The following NRG3 variants were observed in gnomAD, a reference collection of about 807,000 sequenced individuals.
NRG3 encodes the protein pro-neuregulin-3, membrane-bound isoform.
A neutral mutation model predicts 66.9 loss-of-function variants in NRG3; 31 were observed. The observed-to-expected ratio is 0.46, with a 90% CI of 0.35 to 0.63. NRG3 has a LOEUF of 0.63. Among genes scored for constraint, NRG3 ranks in the 20% least tolerant of loss-of-function variants. The pLI is 0.00. For synonymous variants in NRG3, 393 were observed against 359.4 expected (o/e 1.09, Z -1.06); for missense variants, 910 against 878.9 (o/e 1.04, Z -0.45).
intron 2 of NRG3, among the ~76,000 whole-genome samples, chr10:82,422,655 A>T (rs2136246523): frequency 6.6e-6 from 1 of 152,104 alleles, no homozygotes; most frequent in Admixed American, 6.6e-5. Flanking sequence ...TTTGTTTTGA[A>T]TTACTGTTTA....
chr10:82,588,196 G>A (rs376815187), intron 2 of NRG3, among the ~76,000 whole-genome samples: 1 of 152,138 alleles, frequency 6.6e-6, no homozygotes, highest in Non-Finnish European at 1.5e-5. Context: ...ACCCCTCTAA[G>A]TCTCATGTTG....
rs534590260 is a variant in NRG3, at chr10:82,021,214, A to G, written c.823+145051A>G. ...TTCCAATCGATTTAGGAGTGCAGCA[A>G]GTGCAACGACGGTGTTGATGAGCTC... is the stretch of plus-strand genomic sequence containing the variant. On this transcript the variant is annotated intron_variant, in intron 1 of 8. Coordinates refer to ENST00000372141, the MANE Select transcript of NRG3 (RefSeq NM_001010848.4). Among the ~76,000 whole-genome samples the G allele has an allele frequency of 5.1e-4, 77 of 152,172 alleles. 1 individual carries two copies. The highest frequency in any genetic ancestry group is 4.6e-3 in the South Asian group (22 of 4,822).
In NRG3 at chr10:81,876,105, CTCT is replaced by C; in HGVS notation, c.771_773del (p.Ser260del). ...TTCAGGATGCTGCCTCCTCTTCTTC[CTCT>C]TCTTCCTCCTCCGCTACCACCACCA... On this transcript the variant is annotated inframe_deletion, in exon 1 of 9. Transcript: ENST00000372141. 4.3e-6 allele frequency: 7 copies of C among 1,611,532 alleles called. No homozygotes were observed. The East Asian group carries it at 6.7e-5, about 15-fold the overall frequency.
chr10:82,792,535 A>C (rs1030106418), intron 3 of NRG3, among the ~76,000 whole-genome samples: 1 of 151,896 alleles, frequency 6.6e-6, no homozygotes, highest in African/African-American at 2.4e-5. Flanking sequence ...TGTTATTTCA[A>C]TGTTTTTTGT....
chr10:82,248,905 G>A (rs12241441), intron 1 of NRG3, among the ~76,000 whole-genome samples: 18,134 of 152,132 alleles, frequency 0.12, 1,167 homozygotes, highest in East Asian at 0.21. Flanking sequence ...TTGTCTGCAA[G>A]TCTCAGTATA....
intron 1 of NRG3, among the ~76,000 whole-genome samples, chr10:82,057,723 TG>T (rs202090429): frequency 6.6e-6 from 1 of 152,166 alleles, no homozygotes; most frequent in Non-Finnish European, 1.5e-5. Flanking sequence ...TCTCCTTCAC[TG>T]CCTCCTCTTC....
At chr10:82,941,123 C>A (rs1232663285) in intron 4 of NRG3, among the ~76,000 whole-genome samples, 2 of 151,938 alleles carry the variant, frequency 1.3e-5, no homozygotes, top group Admixed American at 1.3e-4. Flanking sequence ...GGACTGGAGG[C>A]CCCCCACCCC....
intron 2 of NRG3, among the ~76,000 whole-genome samples, chr10:82,459,219 A>G (rs2091406538): frequency 6.6e-6 from 1 of 152,142 alleles, no homozygotes; most frequent in African/African-American, 2.4e-5. Context: ...GGTTCTCACC[A>G]TTCTGCCATG....
chr10:82,175,558 G>T (rs1256996601), intron 1 of NRG3, among the ~76,000 whole-genome samples: 3 of 152,156 alleles, frequency 2.0e-5, no homozygotes, highest in Non-Finnish European at 4.4e-5. Flanking sequence ...AACTATGCTA[G>T]ATTTTCAAGA....
chr10:82,701,454 T>A (rs1460954575), intron 2 of NRG3, among the ~76,000 whole-genome samples: 4 of 152,136 alleles, frequency 2.6e-5, no homozygotes, highest in African/African-American at 9.7e-5. Flanking sequence ...TCTGGTGACA[T>A]ATTTGTAAGT....
intron 3 of NRG3, among the ~76,000 whole-genome samples, chr10:82,856,757 A>AAAAC: frequency 1.5e-5 from 1 of 68,326 alleles, no homozygotes; most frequent in Non-Finnish European, 3.0e-5. Context: ...AAAAAAAAAC[A>AAAAC]AAAAAAAAAA....
intron 1 of NRG3, among the ~76,000 whole-genome samples, chr10:82,327,263 G>C (rs1164831792): frequency 1.3e-5 from 2 of 152,104 alleles, no homozygotes; most frequent in Middle Eastern, 3.2e-3. Context: ...GGTAAAACAG[G>C]AGAAAACTAC....
intron 2 of NRG3, among the ~76,000 whole-genome samples, chr10:82,428,481 T>G (rs1245406368): frequency 4.0e-5 from 6 of 151,886 alleles, no homozygotes; most frequent in Non-Finnish European, 8.8e-5. Flanking sequence ...TTGTTTGTTG[T>G]TTGTTTGTTT....
chr10:82,241,397 T>A (rs2077003546), intron 1 of NRG3, among the ~76,000 whole-genome samples: 1 of 151,998 alleles, frequency 6.6e-6, no homozygotes, highest in African/African-American at 2.4e-5. Flanking sequence ...ACAAGGGGTA[T>A]CTTTTGTGCC....
intron 1 of NRG3, among the ~76,000 whole-genome samples, chr10:82,052,281 C>G (rs962303262): frequency 3.3e-5 from 5 of 152,114 alleles, no homozygotes; most frequent in African/African-American, 1.2e-4. Flanking sequence ...ACATCAACTT[C>G]ACCAGTACTC....
At chr10:82,259,742 A>G (rs962865447) in intron 1 of NRG3, among the ~76,000 whole-genome samples, 2 of 152,136 alleles carry the variant, frequency 1.3e-5, no homozygotes, top group African/African-American at 2.4e-5. Context: ...AGCCTGAGCT[A>G]CATAGTGAGA....
At chr10:82,295,071 G>A (rs1010506114) in intron 1 of NRG3, among the ~76,000 whole-genome samples, 2 of 126,624 alleles carry the variant, frequency 1.6e-5, no homozygotes, top group Non-Finnish European at 3.0e-5. Flanking sequence ...GCTGACTAAT[G>A]TAAAAAAAAA....
rs993494856 is a variant in NRG3 at position 82,863,178 on chromosome 10, A to G, written c.1028-2233A>G. Reference sequence around the variant, plus strand: ...TTCCAGTTTCATCTATGTCCCTGCAAAGGATATGATCTCATTCTTTTTTAT... The same window carrying G: ...TTCCAGTTTCATCTATGTCCCTGCAGAGGATATGATCTCATTCTTTTTTAT... On this transcript the variant is annotated intron_variant, in intron 3 of 8. Transcript: ENST00000372141. Among the ~76,000 whole-genome samples the G allele has an allele frequency of 2.0e-5, 3 of 152,088 alleles. No individual in the cohort carries two copies. In the East Asian group the frequency reaches 5.8e-4, roughly 29 times the overall value.
intron 6 of NRG3, among the ~76,000 whole-genome samples, chr10:82,963,085 G>C (rs1850830028): frequency 6.6e-6 from 1 of 152,086 alleles, no homozygotes; most frequent in South Asian, 2.1e-4. Context: ...TTATTATATA[G>C]ATACATTAAA....
Sources: allele counts gnomAD v4.1 joint callset (sites outside exome capture counted in the v4.1 genomes callset), GRCh38; gene constraint gnomAD v4.1.1; transcripts MANE v1.5; gene names NCBI Gene and HGNC (gene_info 2026-07-23, HGNC 2026-07-21).